The following CCSER1 variants were observed in gnomAD, a reference collection of about 807,000 sequenced individuals.
The protein encoded by CCSER1 is coiled-coil serine rich protein 1.
In CCSER1, 41 loss-of-function variants were observed where a neutral mutation model predicts 82.0. That is an observed-to-expected ratio of 0.50 (90% CI 0.39 to 0.65). The LOEUF (loss-of-function observed/expected upper bound fraction) is 0.65, where lower values mean the gene tolerates loss of function less well. CCSER1 is among the 30% of genes least tolerant of loss of function. The pLI is 0.00. For synonymous variants in CCSER1, 414 were observed against 383.9 expected (o/e 1.08, Z -0.92); for missense variants, 1,119 against 1,064.2 (o/e 1.05, Z -0.72).
intron 9 of CCSER1, among the ~76,000 whole-genome samples, chr4:91,019,349 G>A (rs901672489): frequency 6.6e-6 from 1 of 151,626 alleles, no homozygotes; most frequent in Non-Finnish European, 1.5e-5. Flanking sequence ...AAGCTATTTA[G>A]AATTTACTTT....
chr4:90,357,673 A>G (rs1362157385), intron 3 of CCSER1, among the ~76,000 whole-genome samples: 3 of 152,040 alleles, frequency 2.0e-5, no homozygotes, highest in African/African-American at 4.8e-5. Context: ...TGCATTCATT[A>G]GTTAAGAGGT....
chr4:91,178,748 G>A (rs2149023873), intron 10 of CCSER1, among the ~76,000 whole-genome samples: 1 of 152,220 alleles, frequency 6.6e-6, no homozygotes, highest in East Asian at 1.9e-4. Context: ...GATGGGTCTT[G>A]ACTCTTTATC....
At chr4:90,411,931 A>T (rs1754910991) in intron 4 of CCSER1, among the ~76,000 whole-genome samples, 1 of 152,250 alleles carries the variant, frequency 6.6e-6, no homozygotes, top group South Asian at 2.1e-4. Flanking sequence ...AAGTCTCAGG[A>T]TACAAAATCA....
intron 1 of CCSER1, among the ~76,000 whole-genome samples, chr4:90,171,644 G>A (rs1309646398): frequency 6.6e-6 from 1 of 151,858 alleles, no homozygotes; most frequent in Non-Finnish European, 1.5e-5. Flanking sequence ...AGTCTGTGGG[G>A]ATTAGTATAT....
At chr4:91,438,252 C>T (rs1461188939) in intron 10 of CCSER1, among the ~76,000 whole-genome samples, 1 of 152,192 alleles carries the variant, frequency 6.6e-6, no homozygotes. Context: ...CAGACTGACA[C>T]CTCACACGGC....
chr4:91,140,702 G>A (rs1029926172), intron 10 of CCSER1, among the ~76,000 whole-genome samples: 2 of 152,110 alleles, frequency 1.3e-5, no homozygotes, highest in Non-Finnish European at 2.9e-5. Flanking sequence ...TTTTTTCACT[G>A]ATTGCTTTTG....
intron 10 of CCSER1, among the ~76,000 whole-genome samples, chr4:91,528,718 G>A (rs1383460524): frequency 6.6e-6 from 1 of 152,232 alleles, no homozygotes; most frequent in Non-Finnish European, 1.5e-5. Context: ...CCCACTCCAT[G>A]CTTATTGAAT....
Position 90,393,028 on chromosome 4 carries a change from G to A in CCSER1, c.1510-7008G>A, listed in dbSNP as rs190142351. 1.1e-3 allele frequency among the ~76,000 whole-genome samples: 167 copies of A among 152,258 alleles called. 1 individual carries two copies. The highest frequency in any genetic ancestry group is 3.7e-3 in the African/African-American group (154 of 41,564). ...CTCTTCTCCACTGCATACGTAGTGT[G>A]TACAACTCAACTTTTACCAAACTGT... is the stretch of plus-strand genomic sequence containing the variant. On this transcript the variant is annotated intron_variant, in intron 3 of 10. Transcript: ENST00000509176.
At chr4:90,323,365 G>A (rs1021730465) in intron 3 of CCSER1, among the ~76,000 whole-genome samples, 1 of 152,176 alleles carries the variant, frequency 6.6e-6, no homozygotes, top group Non-Finnish European at 1.5e-5. Flanking sequence ...AAGTTATTTG[G>A]GACCCCATGC....
chr4:90,472,176 TAG>T (rs1423983685), intron 5 of CCSER1, among the ~76,000 whole-genome samples: 3 of 152,176 alleles, frequency 2.0e-5, no homozygotes, highest in African/African-American at 7.2e-5. Flanking sequence ...ATAGGATTCA[TAG>T]AGTCATCTGA....
chr4:91,481,415 A>C (rs1345459678), intron 10 of CCSER1, among the ~76,000 whole-genome samples: 4 of 151,982 alleles, frequency 2.6e-5, no homozygotes, highest in African/African-American at 9.7e-5. Flanking sequence ...TTTTGTGTCC[A>C]CGTTGCCTCT....
At chr4:90,603,473 A>T (rs1262208368) in intron 5 of CCSER1, among the ~76,000 whole-genome samples, 1 of 152,176 alleles carries the variant, frequency 6.6e-6, no homozygotes, top group Non-Finnish European at 1.5e-5. Flanking sequence ...TTATTGGCAC[A>T]ATCTAGTGGC....
chr4:91,252,426 A>G (rs1484773409), intron 10 of CCSER1, among the ~76,000 whole-genome samples: 1 of 152,190 alleles, frequency 6.6e-6, no homozygotes, highest in African/African-American at 2.4e-5. Flanking sequence ...AGATAAGTAC[A>G]TGGACAATCA....
At chr4:91,058,346 T>C (rs895142547) in intron 9 of CCSER1, among the ~76,000 whole-genome samples, 1 of 152,116 alleles carries the variant, frequency 6.6e-6, no homozygotes, top group African/African-American at 2.4e-5. Flanking sequence ...TACAAGGACA[T>C]GGGTAGAGCT....
intron 1 of CCSER1, among the ~76,000 whole-genome samples, chr4:90,208,938 C>T (rs944285672): frequency 2.0e-5 from 3 of 152,102 alleles, no homozygotes; most frequent in Non-Finnish European, 2.9e-5. Context: ...AGACCGGAGC[C>T]GTTCGTATTT....
intron 5 of CCSER1, among the ~76,000 whole-genome samples, chr4:90,477,651 G>A (rs1765295195): frequency 6.7e-6 from 1 of 149,924 alleles, no homozygotes; most frequent in South Asian, 2.1e-4. Context: ...TTTTTCCTCT[G>A]GTATATTAAG....
intron 7 of CCSER1, among the ~76,000 whole-genome samples, chr4:90,806,491 G>A (rs1167512602): frequency 6.6e-6 from 1 of 152,068 alleles, no homozygotes; most frequent in Non-Finnish European, 1.5e-5. Context: ...GTTGTTAATT[G>A]TTCAACAAAA....
chr4:91,280,483 C>T (rs1049361901), intron 10 of CCSER1, among the ~76,000 whole-genome samples: 1 of 152,062 alleles, frequency 6.6e-6, no homozygotes, highest in Non-Finnish European at 1.5e-5. Flanking sequence ...GTTGTGTTTG[C>T]CCATCCTCAG....
chr4:91,293,174 A>T (rs1297109943), intron 10 of CCSER1, among the ~76,000 whole-genome samples: 1 of 151,992 alleles, frequency 6.6e-6, no homozygotes, highest in Non-Finnish European at 1.5e-5. Context: ...TCACAGGAAC[A>T]TTCCTTAGAG....
Sources: gnomAD v4.1 joint callset for allele counts (sites outside exome capture counted in the v4.1 genomes callset) on GRCh38, gnomAD v4.1.1 for gene constraint, MANE v1.5 for transcripts, NCBI Gene and HGNC (gene_info 2026-07-23, HGNC 2026-07-21) for gene names.